Variants in EDDM13 observed in about 807,000 individuals in gnomAD.
EDDM13 encodes the protein epididymal protein 13.
A neutral mutation model predicts 17.8 loss-of-function variants in EDDM13; 24 were observed. The observed-to-expected ratio is 1.35, with a 90% CI of 0.98 to 1.90. The LOEUF (loss-of-function observed/expected upper bound fraction) is 1.90. Among genes scored for constraint, EDDM13 ranks in the 40% most tolerant of loss-of-function variants. EDDM13 has a pLI of 0.00. For synonymous variants in EDDM13, 31 were observed against 37.5 expected, an observed-to-expected ratio of 0.83 and a Z score of 0.63; for missense variants, 97 against 100.8, an observed-to-expected ratio of 0.96 and a Z score of 0.16.
chr19:56,308,170 A>C (rs2147341320), intron 14 of EDDM13, among the ~76,000 whole-genome samples: 1 of 152,274 alleles, frequency 6.6e-6, no homozygotes, highest in South Asian at 2.1e-4. Context: ...AGTAGCTGGG[A>C]CTACAGGCGA....
rs1474521064 is a variant in EDDM13 at position 56,300,721 on chromosome 19, G to T, written c.296-1247G>T. ...CAACAGGGAGAATTCATTTTTTTTC[G>T]TTTTCGATTTGCATTTGCCTGTACA... On this transcript the variant is annotated intron_variant, in intron 12 of 14. Transcript: ENST00000649256. Among the ~76,000 whole-genome samples, 4 of 151,590 alleles carry T rather than the reference G, an allele frequency of 2.6e-5. No homozygotes were observed. The East Asian group carries it at 5.8e-4, about 22-fold the overall frequency.
chr19:56,278,160 C>T (rs527853971), intron 2 of EDDM13, among the ~76,000 whole-genome samples: 11 of 150,716 alleles, frequency 7.3e-5, no homozygotes, highest in East Asian at 5.8e-4. Context: ...CTTGCTCTGT[C>T]GCCCAGGCTG....
chr19:56,276,280 T>C (rs1356471755), intron 2 of EDDM13, among the ~76,000 whole-genome samples, 171 bp downstream of exon 2: 1 of 152,132 alleles, frequency 6.6e-6, no homozygotes, highest in Non-Finnish European at 1.5e-5. Flanking sequence ...ATTGTTTGCT[T>C]ACAGTGATGC....
At chr19:56,278,427 C>T (rs1217584015) in intron 2 of EDDM13, among the ~76,000 whole-genome samples, 1 of 152,154 alleles carries the variant, frequency 6.6e-6, no homozygotes. Context: ...AGCCGCCCCG[C>T]CCAGCCACAA....
chr19:56,294,849 C>G (rs1453645273), intron 9 of EDDM13, among the ~76,000 whole-genome samples: 1 of 152,214 alleles, frequency 6.6e-6, no homozygotes. Flanking sequence ...GCCTTGAAAA[C>G]ACAGTGCTCA....
At position 56,282,518 on chromosome 19, in the gene EDDM13, C is replaced by T; in HGVS notation, c.118+19C>T. On this transcript the variant is annotated intron_variant, in intron 4 of 14. Transcript: ENST00000649256. ...CTGAAAGGTAAGCTTCTCATTCCAT[C>T]TCTTTCCCTTTGGGGTCTGTTTGCC... 1 of 985,320 alleles carries T rather than the reference C, an allele frequency of 1.0e-6. No homozygotes were observed. The highest frequency in any genetic ancestry group is 1.2e-6 in the Non-Finnish European group (1 of 829,860). 61.0% of individuals were successfully genotyped at this position (985,320 alleles called of 1,614,324 possible).
chr19:56,274,233 T>G (rs1200926994), intron 1 of EDDM13, among the ~76,000 whole-genome samples: 1 of 152,012 alleles, frequency 6.6e-6, no homozygotes, highest in African/African-American at 2.4e-5. Context: ...GCAGCTGGAT[T>G]ATTTGAGGTC....
Position 56,302,113 on chromosome 19 carries a change from C to T in EDDM13, c.423+18C>T, listed in dbSNP as rs144785271. 5.0e-5 allele frequency: 62 copies of T among 1,230,768 alleles called. No homozygotes were observed. The highest frequency in any genetic ancestry group is 5.9e-5 in the Non-Finnish European group (58 of 987,312). The allele number at this position is 1,230,768 out of a possible 1,614,324, so 76.2% of individuals were successfully genotyped here. On this transcript the variant is annotated intron_variant, in intron 13 of 14. Transcript: ENST00000649256. ...GGGACTGGGTAAGAAGAAGGCAGCA[C>T]GGAGGGGAGGAGTGTGAGGAGAGGA...
chr19:56,299,238 C>G (rs910092160), intron 12 of EDDM13, among the ~76,000 whole-genome samples: 5 of 151,678 alleles, frequency 3.3e-5, no homozygotes, highest in Non-Finnish European at 7.4e-5. Context: ...CTCAAGTGAT[C>G]CTCCCCTCTA....
chr19:56,286,998 T>C (rs2039175013), intron 6 of EDDM13, among the ~76,000 whole-genome samples: 1 of 152,256 alleles, frequency 6.6e-6, no homozygotes, highest in African/African-American at 2.4e-5. Flanking sequence ...GGTTGTGAGA[T>C]TATGATAAAA....
chr19:56,276,476 CG>C (rs2038263708), intron 2 of EDDM13, among the ~76,000 whole-genome samples: 1 of 145,574 alleles, frequency 6.9e-6, no homozygotes, highest in African/African-American at 2.5e-5. Context: ...ACTGAACACG[CG>C]AAAAAAATTA....
intron 1 of EDDM13, among the ~76,000 whole-genome samples, chr19:56,273,422 T>C (rs2038003005): frequency 6.6e-6 from 1 of 152,198 alleles, no homozygotes; most frequent in African/African-American, 2.4e-5. Flanking sequence ...CAAATGTTTA[T>C]TCCTGGTTCT....
intron 5 of EDDM13, 122 bp from the exon 6 acceptor site, chr19:56,284,876 G>C: frequency 1.1e-5 from 3 of 281,232 alleles, no homozygotes; most frequent in Non-Finnish European, 1.1e-5. Context: ...CATGACTGAG[G>C]CATTATAGCC....
chr19:56,301,188 GC>G (rs2040204326), intron 12 of EDDM13, among the ~76,000 whole-genome samples: 1 of 152,204 alleles, frequency 6.6e-6, no homozygotes, highest in Admixed American at 6.5e-5. Context: ...TAAAAGACTG[GC>G]TACTCCATAG....
chr19:56,276,206 T>C (rs34397741), intron 2 of EDDM13, among the ~76,000 whole-genome samples, 97 bp downstream of exon 2: 5 of 152,296 alleles, frequency 3.3e-5, no homozygotes, highest in Admixed American at 6.5e-5. Context: ...TGGGGAAGGG[T>C]GGCACTTGGA....
chr19:56,304,496 A>G (rs910154315), intron 13 of EDDM13, among the ~76,000 whole-genome samples: 1 of 152,166 alleles, frequency 6.6e-6, no homozygotes, highest in African/African-American at 2.4e-5. Context: ...CCACGACAAA[A>G]ATAACCCAGG....
chr19:56,299,105 A>G (rs1010680861), intron 12 of EDDM13, among the ~76,000 whole-genome samples: 12 of 152,312 alleles, frequency 7.9e-5, no homozygotes, highest in East Asian at 1.9e-4. Context: ...GTAGATACAG[A>G]AAAAGAATAT....
At position 56,272,920 on chromosome 19, in the gene EDDM13, G is replaced by A; in HGVS notation, c.85+1G>A. ...GCAGAAGCCTGTACTCCTCGTGAAG[G>A]TAATGCTTCCAGCCATGCCTTGTGT... On this transcript the variant is annotated splice_donor_variant, in intron 1 of 14. Coordinates refer to ENST00000649256, the MANE Select transcript of EDDM13 (RefSeq NM_001354658.2). LOFTEE classifies it high-confidence loss of function. 1.0e-6 allele frequency: 1 copy of A among 984,386 alleles called. No individual in the cohort carries two copies. Among genetic ancestry groups the A allele is most frequent in the African/African-American group, 1.7e-5 (1 of 57,326 alleles). The allele number at this position is 984,386 out of a possible 1,614,324, so 61.0% of individuals were successfully genotyped here.
At chr19:56,281,350 C>T (rs1461280372) in intron 2 of EDDM13, among the ~76,000 whole-genome samples, 4 of 29,184 alleles carry the variant, frequency 1.4e-4, no homozygotes, top group Non-Finnish European at 2.7e-4. Context: ...CAAGGGTCAA[C>T]GGTGTGTGTA....
Sources: allele counts gnomAD v4.1 joint callset (sites outside exome capture counted in the v4.1 genomes callset), GRCh38; gene constraint gnomAD v4.1.1; transcripts MANE v1.5; gene names NCBI Gene and HGNC (gene_info 2026-07-23, HGNC 2026-07-21).